The following SNRPN variants were observed in gnomAD, a reference collection of about 807,000 sequenced individuals.
SNRPN encodes the protein small nuclear ribonucleoprotein-associated protein N.
In SNRPN, 7 loss-of-function variants were observed where a neutral mutation model predicts 25.2. The observed-to-expected ratio is 0.28, with a 90% confidence interval of 0.16 to 0.52. SNRPN has a LOEUF of 0.52. Ranked by LOEUF, SNRPN falls within the 20% of genes least tolerant of loss-of-function variation. The pLI, the probability that SNRPN is intolerant of heterozygous loss-of-function variation, is 0.96. For synonymous variants in SNRPN, 124 were observed against 110.6 expected, an observed-to-expected ratio of 1.12 and a Z score of -0.76; for missense variants, 196 against 322.5, an observed-to-expected ratio of 0.61 and a Z score of 3.00.
intron 3 of SNRPN, among the ~76,000 whole-genome samples, chr15:24,938,723 A>G (rs894096640): frequency 2.6e-5 from 4 of 152,208 alleles, no homozygotes; most frequent in African/African-American, 9.6e-5. Context: ...GGGGACTCCA[A>G]GGGAAACACA....
chr15:24,978,087 CTCTA>C, intron 8 of SNRPN, 102 bp from the exon 9 acceptor site: 5 of 1,277,754 alleles, frequency 3.9e-6, no homozygotes, highest in Non-Finnish European at 5.5e-6. Context: ...AGTTATTTGA[CTCTA>C]TCATTGTTGT....
chr15:24,896,510 A>AC (rs201007351), intron 2 of SNRPN, among the ~76,000 whole-genome samples: 2,863 of 151,784 alleles, frequency 0.019, 86 homozygotes, highest in African/African-American at 0.065. Flanking sequence ...GGAGATCGAG[A>AC]CCCCCCCGCC....
intron 3 of SNRPN, among the ~76,000 whole-genome samples, chr15:24,947,395 C>T (rs1382431222): frequency 2.6e-5 from 4 of 152,162 alleles, no homozygotes; most frequent in Non-Finnish European, 5.9e-5. Flanking sequence ...CTTTGGGAGG[C>T]AGAGGCAAGT....
intron 3 of SNRPN, among the ~76,000 whole-genome samples, chr15:24,968,583 G>A (rs749045612): frequency 1.3e-5 from 2 of 151,854 alleles, no homozygotes; most frequent in African/African-American, 2.4e-5. Context: ...CATTGCTTTC[G>A]AAAAATAAAG....
At chr15:24,850,512 T>G (rs2052718388) in intron 2 of SNRPN, 1 of 152,220 alleles carries the variant, frequency 6.6e-6, no homozygotes, top group South Asian at 2.1e-4. Context: ...GGTTTCACCA[T>G]GTTTTTTGGC....
chr15:24,928,322 A>G (rs1349131842), intron 3 of SNRPN, among the ~76,000 whole-genome samples: 1 of 152,262 alleles, frequency 6.6e-6, no homozygotes, highest in East Asian at 1.9e-4. Flanking sequence ...TATGGAATCC[A>G]CCGAAGTGTT....
chr15:24,837,251 T>G (rs1432801311), intron 2 of SNRPN, among the ~76,000 whole-genome samples: 1 of 152,038 alleles, frequency 6.6e-6, no homozygotes, highest in Non-Finnish European at 1.5e-5. Context: ...GGGCAAGCGT[T>G]AAGTCTGAAC....
chr15:24,911,697 C>G (rs1039376939), intron 2 of SNRPN, among the ~76,000 whole-genome samples: 1 of 152,194 alleles, frequency 6.6e-6, no homozygotes, highest in Non-Finnish European at 1.5e-5. Flanking sequence ...CCAAGGAAGC[C>G]TTGAAGAATG....
At chr15:24,882,677 T>A (rs2149736799) in intron 1 of SNRPN, among the ~76,000 whole-genome samples, 1 of 151,902 alleles carries the variant, frequency 6.6e-6, no homozygotes, top group Non-Finnish European at 1.5e-5. Flanking sequence ...ATACAAAAAT[T>A]AGCTGGGCGT....
chr15:24,931,572 C>A (rs956690755), intron 3 of SNRPN, among the ~76,000 whole-genome samples: 1 of 151,402 alleles, frequency 6.6e-6, no homozygotes, highest in Admixed American at 6.6e-5. Context: ...GGGTGCCACA[C>A]GCTTGTAATC....
At chr15:24,949,368 C>T (rs1002088557) in intron 3 of SNRPN, among the ~76,000 whole-genome samples, 7 of 151,954 alleles carry the variant, frequency 4.6e-5, no homozygotes, top group Non-Finnish European at 1.0e-4. Flanking sequence ...ACCATAAAAA[C>T]GCCTGACATG....
At position 24,944,844 on chromosome 15, in the gene SNRPN, G is replaced by C. The variant is rs1252929647; in HGVS notation, c.-390-17270G>C. On this transcript the variant is annotated intron_variant, in intron 3 of 11. Coordinates refer to the SNRPN transcript ENST00000400097. Reference sequence around the variant, plus strand: ...TCTTCAGAGCAGGCTATGGATTCAGGGAAGAGTTGATGTTGTAGCTCTAGA... The same window carrying C: ...TCTTCAGAGCAGGCTATGGATTCAGCGAAGAGTTGATGTTGTAGCTCTAGA... 3.3e-5 allele frequency among the ~76,000 whole-genome samples: 5 copies of C among 152,134 alleles called. 1 individual carries two copies. Among genetic ancestry groups the C allele is most frequent in the African/African-American group, 1.2e-4 (5 of 41,446 alleles).
intron 2 of SNRPN, among the ~76,000 whole-genome samples, chr15:24,889,438 G>T (rs1306959896): frequency 2.6e-5 from 4 of 151,826 alleles, no homozygotes; most frequent in Non-Finnish European, 4.4e-5. Flanking sequence ...GAGTAGCTGG[G>T]ACTACAGGCG....
intron 3 of SNRPN, among the ~76,000 whole-genome samples, chr15:24,937,287 A>C (rs910231606): frequency 6.6e-6 from 1 of 152,156 alleles, no homozygotes; most frequent in African/African-American, 2.4e-5. Context: ...CTAGAAATGT[A>C]TAATTATTGA....
upstream of SNRPN, among the ~76,000 whole-genome samples, chr15:24,853,587 G>A (rs11636375): frequency 0.14 from 21,509 of 151,984 alleles, 1,736 homozygotes; most frequent in African/African-American, 0.22. Flanking sequence ...TGGAGACGGG[G>A]TTTCACCGTG....
intron 3 of SNRPN, among the ~76,000 whole-genome samples, chr15:24,971,981 C>T (rs963805996): frequency 6.6e-5 from 10 of 152,088 alleles, no homozygotes; most frequent in African/African-American, 2.2e-4. Context: ...GCTGGCTGGG[C>T]GCAGTGGCTC....
intron 3 of SNRPN, among the ~76,000 whole-genome samples, chr15:24,923,215 T>C (rs2048615540): frequency 6.6e-6 from 1 of 152,184 alleles, no homozygotes; most frequent in Admixed American, 6.5e-5. Context: ...TGCAGATCCC[T>C]TCTATACCTG....
intron 2 of SNRPN, among the ~76,000 whole-genome samples, chr15:24,905,591 C>G (rs1339045905): frequency 6.6e-6 from 1 of 151,186 alleles, no homozygotes; most frequent in African/African-American, 2.4e-5. Context: ...GCGTTTTGTT[C>G]ATTAAGAATC....
chr15:24,917,148 A>G (rs1323363056), intron 2 of SNRPN, among the ~76,000 whole-genome samples: 2 of 152,204 alleles, frequency 1.3e-5, no homozygotes, highest in Non-Finnish European at 2.9e-5. Flanking sequence ...ACCTGTTGTA[A>G]GACAGAAAAG....
Sources: gnomAD v4.1 joint callset for allele counts (sites outside exome capture counted in the v4.1 genomes callset) on GRCh38, gnomAD v4.1.1 for gene constraint, MANE v1.5 for transcripts, NCBI Gene and HGNC (gene_info 2026-07-23, HGNC 2026-07-21) for gene names.